Variants in SSX1 observed in about 807,000 individuals in gnomAD.
SSX1 encodes the protein protein SSX1.
Under a neutral mutation model 14.6 loss-of-function variants are expected in SSX1, and 58 were observed. The ratio of observed to expected loss-of-function variants is 3.96; its 90% CI spans 3.21 to 4.93. The LOEUF is 4.93. Ranked by LOEUF, SSX1 falls within the 30% of genes most tolerant of loss-of-function variation. SSX1 has a pLI of 0.00. For synonymous variants in SSX1, 46 were observed against 52.1 expected, an observed-to-expected ratio of 0.88 and a Z score of 0.50; for missense variants, 272 against 143.1, an observed-to-expected ratio of 1.90 and a Z score of -4.60.
At chrX:48,255,605 C>G (rs1361671246) in intron 1 of SSX1, among the ~76,000 whole-genome samples, 173 bp downstream of exon 1, 1 of 103,663 alleles carries the variant, frequency 9.6e-6, no homozygotes, top group Non-Finnish European at 2.0e-5. Flanking sequence ...GGCCTTGGGT[C>G]TACAGGCCTG....
chrX:48,258,127 G>A (rs1222860677), intron 3 of SSX1, among the ~76,000 whole-genome samples: 4 of 104,840 alleles, frequency 3.8e-5, no homozygotes, highest in Non-Finnish European at 7.8e-5. Flanking sequence ...CTGTGGCATT[G>A]CAGCACACCT....
At chrX:48,261,585 T>G (rs1250022717) in intron 4 of SSX1, among the ~76,000 whole-genome samples, 181 bp from the exon 5 acceptor site, 1 of 112,368 alleles carries the variant, frequency 8.9e-6, no homozygotes, top group Non-Finnish European at 1.9e-5. Context: ...AATTCTGAAT[T>G]GATGCCACAG....
At chrX:48,265,585 C>G (rs1556936256) in intron 6 of SSX1, among the ~76,000 whole-genome samples, 1 of 111,413 alleles carries the variant, frequency 9.0e-6, no homozygotes, top group African/African-American at 3.3e-5. Flanking sequence ...AACATTGACA[C>G]ACAACAGGGT....
intron 5 of SSX1, among the ~76,000 whole-genome samples, chrX:48,263,570 G>A (rs2059612418): frequency 9.0e-6 from 1 of 111,573 alleles, no homozygotes; most frequent in Admixed American, 9.6e-5. Flanking sequence ...AAAAGAGTGT[G>A]AAGATAAGCA....
intron 1 of SSX1, among the ~76,000 whole-genome samples, chrX:48,256,121 G>A (rs1232901706): frequency 9.3e-6 from 1 of 107,058 alleles, no homozygotes; most frequent in Non-Finnish European, 1.9e-5. Context: ...CTCCCACCTC[G>A]GCCTCGGAAC....
In SSX1 at chrX:48,267,441, G is replaced by A. The variant is rs782479270; in HGVS notation, c.*592G>A. 1.6e-4 allele frequency: 24 copies of A among 151,205 alleles called. No individual in the cohort carries two copies. Among genetic ancestry groups the A allele is most frequent in the African/African-American group, 3.4e-4 (11 of 32,182 alleles). 12.5% of individuals were successfully genotyped at this position (151,205 alleles called of 1,213,427 possible). Reference sequence around the variant, plus strand: ...TGACAGTTAATAAACCTTTGCAAACGTTCCCCAGTTGTTTGTTCCTCTCAT... The same window carrying A: ...TGACAGTTAATAAACCTTTGCAAACATTCCCCAGTTGTTTGTTCCTCTCAT... On this transcript the variant is annotated 3_prime_UTR_variant, in exon 8 of 8. Transcript: ENST00000376919.
In SSX1 at chrX:48,263,877, A is replaced by AG. The variant is rs1257834072; in HGVS notation, c.428dup (p.Ala145SerfsTer5). On this transcript the variant is annotated frameshift_variant, in exon 6 of 8. Coordinates refer to ENST00000376919, the MANE Select transcript of SSX1 (RefSeq NM_005635.4). LOFTEE classifies it high-confidence loss of function. ...ACGATGGGAAACAACTGCACCCCCC[A>AG]GGAAAAGCAAATATTTCTGAGAAGA... is the stretch of plus-strand genomic sequence containing the variant. The AG allele has an allele frequency of 4.1e-6, 5 of 1,211,501 alleles. No individual in the cohort carries two copies. The East Asian group carries it at 1.5e-4, about 36-fold the overall frequency.
intron 5 of SSX1, among the ~76,000 whole-genome samples, chrX:48,262,711 G>A (rs1429079907): frequency 8.9e-6 from 1 of 111,810 alleles, no homozygotes; most frequent in African/African-American, 3.2e-5. Context: ...CGAATTCAAA[G>A]AAGGATCCAG....
chrX:48,258,744 T>TG, intron 4 of SSX1, 113 bp downstream of exon 4: 1 of 576,381 alleles, frequency 1.7e-6, no homozygotes, highest in Non-Finnish European at 2.7e-6. Context: ...CAGGGTTGAG[T>TG]GAAAAAAAAA....
At chrX:48,257,084 C>T in intron 1 of SSX1, 138 bp from the exon 2 acceptor site, 5 of 516,266 alleles carry the variant, frequency 9.7e-6, no homozygotes. Context: ...ATGTCCTTAC[C>T]CATGGACAGG....
chrX:48,257,685 C>G, intron 2 of SSX1, 61 bp from the exon 3 acceptor site: 1 of 1,154,541 alleles, frequency 8.7e-7, no homozygotes, highest in Non-Finnish European at 1.2e-6. Context: ...GGAAGCGGCT[C>G]CAGCTGAATG....
At chrX:48,261,851 T>G (rs374834881) in intron 5 of SSX1, 36 bp downstream of exon 5, 19 of 1,191,412 alleles carry the variant, frequency 1.6e-5, no homozygotes, top group Non-Finnish European at 2.2e-5. Context: ...CCAGAGAACC[T>G]TTTTCCTTTC....
chrX:48,255,999 C>T (rs190810214), intron 1 of SSX1, among the ~76,000 whole-genome samples: 5 of 103,633 alleles, frequency 4.8e-5, no homozygotes, highest in Non-Finnish European at 7.9e-5. Flanking sequence ...CTCAGGACTA[C>T]AGATGTGTGC....
At chrX:48,260,590 G>A (rs1167708635) in intron 4 of SSX1, among the ~76,000 whole-genome samples, 6 of 111,499 alleles carry the variant, frequency 5.4e-5, no homozygotes, top group Middle Eastern at 4.6e-3. Context: ...GTTTGCAGAC[G>A]ACATGATCGT....
chrX:48,261,454 A>G, intron 4 of SSX1, among the ~76,000 whole-genome samples: 1 of 112,505 alleles, frequency 8.9e-6, no homozygotes, highest in East Asian at 2.8e-4. Context: ...ATCTTGAGTG[A>G]TTACAGTTTA....
Position 48,263,870 on chromosome X carries a change from A to AG in SSX1, c.419_420insG (p.His140GlnfsTer10). On this transcript the variant is annotated frameshift_variant, in exon 6 of 8. Transcript: ENST00000376919. LOFTEE classifies it high-confidence loss of function. ...CCACAAAACGATGGGAAACAACTGC[A>AG]CCCCCCAGGAAAAGCAAATATTTCT... The AG allele has an allele frequency of 2.5e-6, 3 of 1,211,167 alleles. No individual in the cohort carries two copies. Among genetic ancestry groups the AG allele is most frequent in the Non-Finnish European group, 3.4e-6 (3 of 895,289 alleles).
intron 6 of SSX1, among the ~76,000 whole-genome samples, chrX:48,265,045 G>T (rs782732727): frequency 5.4e-4 from 61 of 112,070 alleles, no homozygotes; most frequent in African/African-American, 1.9e-3. Flanking sequence ...GAGAGTTCAG[G>T]TCTTGCTCTG....
In SSX1 at chrX:48,258,636, G is replaced by C; in HGVS notation, c.280+5G>C. 8.4e-7 allele frequency: 1 copy of C among 1,185,453 alleles called. No individual in the cohort carries two copies. Among genetic ancestry groups the C allele is most frequent in the Non-Finnish European group, 1.1e-6 (1 of 873,154 alleles). On this transcript the variant is annotated splice_donor_5th_base_variant and intron_variant, in intron 4 of 7. Transcript: ENST00000376919. ...ACCATAACCGCAGGATTCAGGGTGA[G>C]TAGATGGGAAGTGGCTGGAAAGGTC... is the stretch of plus-strand genomic sequence containing the variant.
At position 48,266,325 on chromosome X, in the gene SSX1, C is replaced by A. The variant is rs148967170; in HGVS notation, c.505C>A (p.Arg169Ser). The A allele has an allele frequency of 2.1e-4, 248 of 1,208,125 alleles. 2 individuals carry two copies. The African/African-American group carries it at 3.8e-3, about 18-fold the overall frequency. ...GAAACATGCCTGGACCCACAGACTG[C>A]GTGAGAGAAAGCAGCTGGTGATTTA... is the stretch of plus-strand genomic sequence containing the variant. Reference protein sequence around the residue: ...RGKHAWTHRLRERKQLVIYEE... With the variant: ...RGKHAWTHRLSERKQLVIYEE... The change falls in exon 7 of 8, where the codon CGT becomes AGT. Residue 169 changes from arginine (R) to serine (S), a missense_variant. Arg to Ser is a moderately radical substitution (Grantham distance 110, BLOSUM62 -1). Coordinates refer to ENST00000376919, the MANE Select transcript of SSX1 (RefSeq NM_005635.4).
Sources: gnomAD v4.1 joint callset for allele counts (sites outside exome capture counted in the v4.1 genomes callset) on GRCh38, gnomAD v4.1.1 for gene constraint, MANE v1.5 for transcripts, NCBI Gene and HGNC (gene_info 2026-07-23, HGNC 2026-07-21) for gene names.